The following CEP63 variants were observed in gnomAD, a reference collection of about 807,000 sequenced individuals.
CEP63 encodes centrosomal protein of 63 kDa.
Under a neutral mutation model 89.1 loss-of-function variants are expected in CEP63, and 84 were observed. The ratio of observed to expected loss-of-function variants is 0.94; its 90% CI spans 0.79 to 1.13. The LOEUF is 1.13. CEP63 is among the 50% of genes most tolerant of loss of function. The pLI is 0.00. For synonymous variants in CEP63, 267 were observed against 272.5 expected (o/e 0.98, Z 0.20); for missense variants, 838 against 813.3 (o/e 1.03, Z -0.37).
At chr3:134,693,946 C>T in the CEP63 span, among the ~76,000 whole-genome samples, 1 of 152,216 alleles carries the variant, frequency 6.6e-6, no homozygotes, top group Non-Finnish European at 1.5e-5. Flanking sequence ...GTTCTGGGCT[C>T]AGGGATCTGA....
intron 10 of CEP63, 59 bp from the exon 11 acceptor site, chr3:134,550,004 T>C (rs1954452025): frequency 1.7e-6 from 2 of 1,187,296 alleles, no homozygotes; most frequent in Non-Finnish European, 2.5e-6. Flanking sequence ...TAGTAACATA[T>C]TATTCTATCT....
At chr3:134,682,706 C>T in the CEP63 span, among the ~76,000 whole-genome samples, 5 of 152,196 alleles carry the variant, frequency 3.3e-5, no homozygotes, top group Non-Finnish European at 7.3e-5. Context: ...AGCTGGCATT[C>T]GTCCCATGCT....
At chr3:134,545,145 A>T (rs2083650109) in intron 6 of CEP63, among the ~76,000 whole-genome samples, 1 of 151,794 alleles carries the variant, frequency 6.6e-6, no homozygotes. Flanking sequence ...GATTACAGGC[A>T]CGCGCCACCA....
the CEP63 span, chr3:134,641,385 C>A: frequency 6.6e-6 from 1 of 152,148 alleles, no homozygotes; most frequent in African/African-American, 2.4e-5. Context: ...CTGAATGCGA[C>A]CACACATATC....
At chr3:134,663,617 C>G in the CEP63 span, among the ~76,000 whole-genome samples, 4 of 152,218 alleles carry the variant, frequency 2.6e-5, no homozygotes, top group Admixed American at 2.6e-4. Context: ...TTTGCCAATT[C>G]CAGAGAGCAG....
the CEP63 span, among the ~76,000 whole-genome samples, chr3:134,734,969 T>A: frequency 6.6e-6 from 1 of 152,180 alleles, no homozygotes; most frequent in Non-Finnish European, 1.5e-5. Context: ...AAACTTCTTC[T>A]ATAGGCTCTT....
At chr3:134,686,732 C>A in the CEP63 span, among the ~76,000 whole-genome samples, 141,100 of 152,234 alleles carry the variant, frequency 0.93, 65,713 homozygotes, top group East Asian at 1. Flanking sequence ...TGAGTACCAG[C>A]AACGGTGCTT....
At chr3:134,527,634 G>A (rs1948939761) in intron 3 of CEP63, among the ~76,000 whole-genome samples, 1 of 152,220 alleles carries the variant, frequency 6.6e-6, no homozygotes. Flanking sequence ...GCCTAGGGAA[G>A]CTGCAGTATG....
At chr3:134,550,603 G>A (rs1036904214) in intron 11 of CEP63, among the ~76,000 whole-genome samples, 9 of 152,194 alleles carry the variant, frequency 5.9e-5, no homozygotes, top group Non-Finnish European at 1.2e-4. Flanking sequence ...TTCAGGCACA[G>A]GAAAATACAG....
the CEP63 span, among the ~76,000 whole-genome samples, chr3:134,690,953 T>C: frequency 2.6e-5 from 4 of 152,122 alleles, no homozygotes; most frequent in Non-Finnish European, 5.9e-5. Context: ...TTTGCCATGT[T>C]GGTCAGGCTG....
chr3:134,593,358 T>A, the CEP63 span, among the ~76,000 whole-genome samples: 191 of 152,318 alleles, frequency 1.3e-3, 3 homozygotes, highest in South Asian at 0.015. Context: ...TGTTAGCTCA[T>A]TTAATCCCCA....
At chr3:134,694,908 C>T in the CEP63 span, among the ~76,000 whole-genome samples, 58 of 152,168 alleles carry the variant, frequency 3.8e-4, no homozygotes, top group African/African-American at 1.3e-3. Flanking sequence ...TGTGTGGGCA[C>T]GTGTGTTTGT....
the CEP63 span, chr3:134,627,856 G>T: frequency 6.5e-7 from 1 of 1,536,946 alleles, no homozygotes; most frequent in Non-Finnish European, 9.0e-7. Context: ...AGATACTTCA[G>T]AAGAAACAGA....
chr3:134,619,554 T>G, the CEP63 span, among the ~76,000 whole-genome samples: 1 of 152,206 alleles, frequency 6.6e-6, no homozygotes, highest in Non-Finnish European at 1.5e-5. Flanking sequence ...CTCTCTCTGC[T>G]AATCCCCACC....
the CEP63 span, among the ~76,000 whole-genome samples, chr3:134,663,807 G>A: frequency 2.0e-4 from 31 of 152,210 alleles, no homozygotes; most frequent in African/African-American, 7.2e-4. Context: ...TTGGCATGGC[G>A]GGGCTGCCCA....
At position 134,498,683 on chromosome 3, in the gene CEP63, C is replaced by T. The variant is rs74757555; in HGVS notation, c.44+3319C>T. 6.3e-3 allele frequency among the ~76,000 whole-genome samples: 955 copies of T among 152,146 alleles called. 22 individuals are homozygous for T. The South Asian group carries it at 0.074, about 12-fold the overall frequency. On this transcript the variant is annotated intron_variant, in intron 2 of 14. Coordinates refer to ENST00000675561, the MANE Select transcript of CEP63 (RefSeq NM_001353108.3). Reference sequence around the variant, plus strand: ...CTTTTCCCCATCCAGTATAATGATACCTGGGGAGCTGTCTTATATGGCCTT... The same window carrying T: ...CTTTTCCCCATCCAGTATAATGATATCTGGGGAGCTGTCTTATATGGCCTT...
the CEP63 span, among the ~76,000 whole-genome samples, chr3:134,732,449 G>A: frequency 1.3e-5 from 2 of 152,054 alleles, no homozygotes; most frequent in African/African-American, 4.8e-5. Flanking sequence ...AGAAGAAAAT[G>A]TAATAAGAGT....
At chr3:134,723,217 G>C in the CEP63 span, among the ~76,000 whole-genome samples, 1 of 152,164 alleles carries the variant, frequency 6.6e-6, no homozygotes, top group Admixed American at 6.5e-5. Context: ...CTTATGAGTG[G>C]AGTGTATGTT....
chr3:134,744,604 T>A, the CEP63 span, among the ~76,000 whole-genome samples: 2 of 152,160 alleles, frequency 1.3e-5, no homozygotes, highest in Non-Finnish European at 2.9e-5. Context: ...ATCCTTGAAC[T>A]CCTGGACTCA....
Sources: gnomAD v4.1 joint callset for allele counts (sites outside exome capture counted in the v4.1 genomes callset) on GRCh38, gnomAD v4.1.1 for gene constraint, MANE v1.5 for transcripts, NCBI Gene and HGNC (gene_info 2026-07-23, HGNC 2026-07-21) for gene names.